Variants in CEP76 observed in about 807,000 individuals in gnomAD.
CEP76 encodes the protein centrosomal protein 76, also known as centrosomal protein of 76 kDa.
CEP76 carries 55 observed loss-of-function variants against 83.3 expected under a neutral mutation model. The observed-to-expected ratio is 0.66, with a 90% CI of 0.53 to 0.83. CEP76 has a LOEUF of 0.83. CEP76 is among the 40% of genes least tolerant of loss of function. CEP76 has a pLI of 0.00. For missense variants in CEP76, 694 were observed against 799.5 expected, an observed-to-expected ratio of 0.87 and a Z score of 1.59; for synonymous variants, 270 against 274.5, an observed-to-expected ratio of 0.98 and a Z score of 0.16.
At chr18:12,689,775 T>G (rs913417593) in intron 7 of CEP76, among the ~76,000 whole-genome samples, 1 of 151,942 alleles carries the variant, frequency 6.6e-6, no homozygotes, top group Admixed American at 6.6e-5. Flanking sequence ...TATATATATA[T>G]ATATGTATAT....
intron 11 of CEP76, 148 bp downstream of exon 11, chr18:12,674,388 G>A (rs2039045857): frequency 9.9e-6 from 6 of 603,648 alleles, no homozygotes; most frequent in Non-Finnish European, 1.7e-5. Context: ...GCTACAGTGA[G>A]CCATAACTGT....
intron 6 of CEP76, among the ~76,000 whole-genome samples, chr18:12,694,682 A>G (rs1212744417): frequency 2.0e-5 from 3 of 151,462 alleles, no homozygotes; most frequent in Admixed American, 6.6e-5. Context: ...TTACTCTTTG[A>G]TCTTCTTCAG....
chr18:12,670,240 G>A (rs528592396), downstream of CEP76, among the ~76,000 whole-genome samples: 2 of 151,844 alleles, frequency 1.3e-5, no homozygotes, highest in Admixed American at 6.6e-5. Context: ...TGAGGCAGGA[G>A]AACTGCTTGA....
At chr18:12,678,827 G>A (rs1441417798) in intron 9 of CEP76, among the ~76,000 whole-genome samples, 10 of 152,130 alleles carry the variant, frequency 6.6e-5, no homozygotes, top group East Asian at 1.9e-4. Flanking sequence ...ATGGGAGCAC[G>A]TGCCTGTAGT....
chr18:12,669,032 C>CTTTTTTTTTTTTTTTT (rs71174122), downstream of CEP76, among the ~76,000 whole-genome samples: 2 of 41,960 alleles, frequency 4.8e-5, 1 homozygote. Flanking sequence ...ACCCCCCGCA[C>CTTTTTTTTTTTTTTTT]TTTTTTTTTT....
chr18:12,697,452 A>G (rs754232976), intron 4 of CEP76, 44 bp from the exon 5 acceptor site: 2 of 1,270,380 alleles, frequency 1.6e-6, no homozygotes, highest in African/African-American at 3.0e-5. Context: ...CTACATATTC[A>G]GTTAGGCCAA....
intron 8 of CEP76, 32 bp downstream of exon 8, chr18:12,686,230 T>C (rs2039535700): frequency 1.3e-6 from 2 of 1,538,584 alleles, no homozygotes; most frequent in Non-Finnish European, 1.8e-6. Flanking sequence ...TATGATATAC[T>C]GCTACTTAAT....
At chr18:12,677,035 C>G (rs1217931072) in intron 10 of CEP76, among the ~76,000 whole-genome samples, 2 of 152,212 alleles carry the variant, frequency 1.3e-5, no homozygotes, top group Non-Finnish European at 2.9e-5. Context: ...CAGCTTCAAT[C>G]TCTTAATGTC....
chr18:12,686,416 T>C lies in CEP76; in HGVS notation c.968A>G (p.Tyr323Cys), dbSNP rs1253953357. Residue 323 changes from tyrosine (Y) to cysteine (C), a missense_variant, in exon 8 of 12, where the codon TAT (tyrosine) becomes TGT (cysteine). Tyr to Cys is a radical substitution (Grantham distance 194, BLOSUM62 -2). Coordinates refer to ENST00000262127, the MANE Select transcript of CEP76 (RefSeq NM_024899.4). ...ENGINRPVCS[Y>C]VKPLRAGRLL... The stretch of plus-strand genomic sequence containing the variant: ...CCGTCCAGCTCGAAGTGGTTTAACA[T>C]AGGAACAGACTGGTCTATTTATCCC... 4.3e-6 allele frequency: 7 copies of C among 1,613,866 alleles called. No individual in the cohort carries two copies. The highest frequency in any genetic ancestry group is 1.7e-5 in the Admixed American group (1 of 59,980).
chr18:12,663,735 C>G (rs1165293781), intron 12 of CEP76, among the ~76,000 whole-genome samples: 3 of 151,934 alleles, frequency 2.0e-5, no homozygotes, highest in South Asian at 4.1e-4. Context: ...AATGTTTTTT[C>G]AAGCCTCTAT....
intron 7 of CEP76, among the ~76,000 whole-genome samples, chr18:12,690,067 G>A (rs188070756): frequency 2.9e-3 from 418 of 146,460 alleles, no homozygotes; most frequent in African/African-American, 9.8e-3. Context: ...GGGATTACAG[G>A]CGTGAGCCAC....
intron 6 of CEP76, among the ~76,000 whole-genome samples, chr18:12,694,090 C>G (rs1349988897): frequency 1.3e-5 from 2 of 152,212 alleles, no homozygotes. Flanking sequence ...CCACCTTAGC[C>G]TCCCACAGGG....
rs200027354 is a variant in CEP76 at position 12,684,047 on chromosome 18, CAG to C, written c.1122+2213_1122+2214del. On this transcript the variant is annotated intron_variant, in intron 8 of 11. Coordinates refer to ENST00000262127, the MANE Select transcript of CEP76 (RefSeq NM_024899.4). ...TATATATATGTATTTTTTTTTGAGA[CAG>C]AGTCTTGCTCTGTCGTCCAGTTTGG... 9.8e-3 allele frequency among the ~76,000 whole-genome samples: 1,477 copies of C among 150,528 alleles called. 14 individuals carry two copies. The highest frequency in any genetic ancestry group is 0.014 in the Non-Finnish European group (955 of 67,750).
chr18:12,682,541 A>G (rs1427957328), intron 8 of CEP76, among the ~76,000 whole-genome samples: 5 of 152,320 alleles, frequency 3.3e-5, no homozygotes, highest in African/African-American at 1.2e-4. Flanking sequence ...AGTTTTTTAA[A>G]AAAAATTAAC....
chr18:12,686,535 A>G, intron 7 of CEP76, 85 bp from the exon 8 acceptor site: 2 of 963,316 alleles, frequency 2.1e-6, no homozygotes, highest in East Asian at 4.9e-5. Context: ...GTAGGATAAA[A>G]TAATTCAGCA....
intron 1 of CEP76, chr18:12,702,285 C>T (rs893324168): frequency 5.5e-6 from 3 of 550,402 alleles, no homozygotes; most frequent in East Asian, 6.6e-5. Context: ...CTTGCTAGCA[C>T]CTGCTCGGCT....
At chr18:12,666,318 G>T (rs1024321895) in intron 12 of CEP76, among the ~76,000 whole-genome samples, 7 of 151,950 alleles carry the variant, frequency 4.6e-5, no homozygotes, top group African/African-American at 1.7e-4. Flanking sequence ...GACAGAGTGA[G>T]ACCCCCAGCT....
At position 12,673,201 on chromosome 18, in the gene CEP76, G is replaced by A. The variant is rs1381571295; in HGVS notation, c.*164C>T. On this transcript the variant is annotated 3_prime_UTR_variant, in exon 12 of 12. Transcript: ENST00000262127. ...TTTCAGCCTTAATTTTTAAAGGAATGCATGATTTTTTTTAAACATTACCAG... is the reference window on the plus strand; with the variant it reads ...TTTCAGCCTTAATTTTTAAAGGAATACATGATTTTTTTTAAACATTACCAG... The A allele has an allele frequency of 7.6e-7, 1 of 1,321,588 alleles. No homozygotes were observed. The highest frequency in any genetic ancestry group is 1.5e-5 in the African/African-American group (1 of 65,050). The allele number at this position is 1,321,588 out of a possible 1,614,324, so 81.9% of individuals were successfully genotyped here. A position where few individuals can be genotyped will look rare whatever the true frequency, so the allele number is the denominator to read the frequency against.
chr18:12,688,243 A>C lies in CEP76; in HGVS notation c.934-1793T>G, dbSNP rs543576558. 2.9e-3 allele frequency among the ~76,000 whole-genome samples: 446 copies of C among 152,016 alleles called. 2 individuals are homozygous for C. Among genetic ancestry groups the C allele is most frequent in the African/African-American group, 7.6e-3 (316 of 41,478 alleles). On this transcript the variant is annotated intron_variant, in intron 7 of 11. Transcript: ENST00000262127. ...GACTCCATCTCAAAAAAAAAAAAAA[A>C]AAAACAAAACCTAGTGGCCTTAAAG...
Sources: allele counts gnomAD v4.1 joint callset (sites outside exome capture counted in the v4.1 genomes callset), GRCh38; gene constraint gnomAD v4.1.1; transcripts MANE v1.5; gene names NCBI Gene and HGNC (gene_info 2026-07-23, HGNC 2026-07-21).